Variants in EPB41L4A observed in about 807,000 individuals in gnomAD.
The protein encoded by EPB41L4A is erythrocyte membrane protein band 4.1 like 4A, also known as band 4.1-like protein 4A.
In EPB41L4A, 100 loss-of-function variants were observed where a neutral mutation model predicts 108.6. That is an observed-to-expected ratio of 0.92 (90% confidence interval 0.78 to 1.09). EPB41L4A has a LOEUF of 1.09. Ranked by LOEUF, EPB41L4A falls within the 50% of genes least tolerant of loss-of-function variation. The probability of loss-of-function intolerance (pLI) is 0.00; values close to 1 mark genes in which losing one functional copy is unlikely to be tolerated. For missense variants in EPB41L4A, 1,030 were observed against 842.7 expected (o/e 1.22, Z -2.75); for synonymous variants, 319 against 289.0 (o/e 1.10, Z -1.05).
At chr5:112,326,383 C>G (rs1370314845) in intron 1 of EPB41L4A, among the ~76,000 whole-genome samples, 1 of 152,092 alleles carries the variant, frequency 6.6e-6, no homozygotes, top group Non-Finnish European at 1.5e-5. Context: ...GCCTTTTTGT[C>G]AAACTGGGCC....
intron 2 of EPB41L4A, among the ~76,000 whole-genome samples, chr5:112,299,556 T>G (rs1196755253): frequency 6.6e-6 from 1 of 152,212 alleles, no homozygotes; most frequent in Non-Finnish European, 1.5e-5. Flanking sequence ...GGCTCCCGCC[T>G]GTAATCCCAG....
chr5:112,366,878 C>T (rs1052936189), intron 1 of EPB41L4A, among the ~76,000 whole-genome samples: 20 of 152,150 alleles, frequency 1.3e-4, no homozygotes, highest in Middle Eastern at 3.2e-3. Flanking sequence ...AAGGCAGCAA[C>T]AGTGCTTTAC....
At chr5:112,184,166 C>T in intron 17 of EPB41L4A, 31 bp from the exon 18 acceptor site, 1 of 1,611,744 alleles carries the variant, frequency 6.2e-7, no homozygotes. Flanking sequence ...CTGAAGTTAA[C>T]ATCTACATGG....
At chr5:112,401,465 A>T (rs770491461) in intron 1 of EPB41L4A, among the ~76,000 whole-genome samples, 208 of 152,380 alleles carry the variant, frequency 1.4e-3, no homozygotes, top group Middle Eastern at 3.4e-3. Context: ...AAGAATTTTT[A>T]AAAATGTTAC....
At chr5:112,322,377 A>G (rs1335070471) in intron 1 of EPB41L4A, among the ~76,000 whole-genome samples, 1 of 152,202 alleles carries the variant, frequency 6.6e-6, no homozygotes, top group Non-Finnish European at 1.5e-5. Context: ...TGGGAGAACT[A>G]AAGTTTGAGT....
At position 112,217,528 on chromosome 5, in the gene EPB41L4A, T is replaced by C. The variant is rs892320461; in HGVS notation, c.1088-7546A>G. ...AGCCTGGGCAACATAGTGAGACCTA[T>C]CTCTACAAAAAAAGTTTTTTTAATT... On this transcript the variant is annotated intron_variant, in intron 12 of 22. Coordinates refer to ENST00000261486, the MANE Select transcript of EPB41L4A (RefSeq NM_022140.5). 2.8e-4 allele frequency among the ~76,000 whole-genome samples: 43 copies of C among 152,152 alleles called. 1 individual carries two copies. Among genetic ancestry groups the C allele is most frequent in the African/African-American group, 1.0e-3 (43 of 41,506 alleles).
At chr5:112,250,452 T>C (rs1750579060) in intron 9 of EPB41L4A, among the ~76,000 whole-genome samples, 1 of 152,218 alleles carries the variant, frequency 6.6e-6, no homozygotes, top group East Asian at 1.9e-4. Flanking sequence ...AAAAAGTCAG[T>C]ATTTCTCTCA....
intron 1 of EPB41L4A, among the ~76,000 whole-genome samples, chr5:112,411,592 C>T (rs1762416910): frequency 6.6e-6 from 1 of 151,710 alleles, no homozygotes; most frequent in Non-Finnish European, 1.5e-5. Context: ...GATATCATGC[C>T]CCTCAGCTTA....
chr5:112,273,453 T>C (rs897591899), intron 4 of EPB41L4A, among the ~76,000 whole-genome samples: 3 of 152,214 alleles, frequency 2.0e-5, no homozygotes, highest in African/African-American at 7.2e-5. Flanking sequence ...AACAATGATC[T>C]TTTTTATCCC....
chr5:112,296,343 T>G (rs1753982917), intron 2 of EPB41L4A, among the ~76,000 whole-genome samples: 1 of 152,154 alleles, frequency 6.6e-6, no homozygotes, highest in African/African-American at 2.4e-5. Context: ...CAAAGCATTT[T>G]TAATACATTT....
At chr5:112,309,397 T>A (rs1457568277) in intron 1 of EPB41L4A, among the ~76,000 whole-genome samples, 2 of 152,212 alleles carry the variant, frequency 1.3e-5, no homozygotes, top group Non-Finnish European at 2.9e-5. Context: ...CCCAATTGAA[T>A]AAACAATTCT....
chr5:112,361,541 A>G (rs1256939458), intron 1 of EPB41L4A, among the ~76,000 whole-genome samples: 1 of 133,788 alleles, frequency 7.5e-6, no homozygotes, highest in Admixed American at 7.8e-5. Context: ...AAAAAAAAGA[A>G]TAAAAAGAAA....
At chr5:112,240,622 CAA>C in intron 10 of EPB41L4A, 95 bp downstream of exon 10, 1 of 658,194 alleles carries the variant, frequency 1.5e-6, no homozygotes, top group Non-Finnish European at 2.5e-6. Flanking sequence ...AAAAGGGAAA[CAA>C]TTCCAAATTT....
chr5:112,384,938 G>C (rs984298147), intron 1 of EPB41L4A, among the ~76,000 whole-genome samples: 5 of 152,216 alleles, frequency 3.3e-5, no homozygotes, highest in African/African-American at 9.6e-5. Flanking sequence ...CCATCCATTT[G>C]CTAGGGTTGC....
chr5:112,218,922 A>G (rs1747838342), intron 12 of EPB41L4A, among the ~76,000 whole-genome samples: 1 of 152,222 alleles, frequency 6.6e-6, no homozygotes, highest in African/African-American at 2.4e-5. Flanking sequence ...TGAAGTATAA[A>G]TATGACATTA....
In EPB41L4A at chr5:112,155,095, C is replaced by A. The variant is rs956951732; in HGVS notation, n.994+3306G>T. Reference sequence around the variant, plus strand: ...CCACAAAGAAAATACTAGACTTAATCTTAAAAGTGGAATTTTTTAATTAAG... The same window carrying A: ...CCACAAAGAAAATACTAGACTTAATATTAAAAGTGGAATTTTTTAATTAAG... On this transcript the variant is annotated intron_variant and non_coding_transcript_variant, in intron 12 of 13. Transcript: ENST00000507810. Among the ~76,000 whole-genome samples, 7 of 152,196 alleles carry A rather than the reference C, an allele frequency of 4.6e-5. No individual in the cohort carries two copies. In the East Asian group the frequency reaches 1.4e-3, roughly 29 times the overall value.
intron 9 of EPB41L4A, among the ~76,000 whole-genome samples, chr5:112,255,718 A>G (rs1424519375): frequency 6.6e-6 from 1 of 152,148 alleles, no homozygotes; most frequent in African/African-American, 2.4e-5. Flanking sequence ...CGTGGCTTCA[A>G]AAAGTAGCAG....
intron 1 of EPB41L4A, among the ~76,000 whole-genome samples, chr5:112,417,404 G>GT (rs1417964936): frequency 6.6e-5 from 10 of 152,206 alleles, no homozygotes; most frequent in African/African-American, 2.4e-4. Flanking sequence ...TTTCTTTACT[G>GT]TCTTAGTATC....
chr5:112,265,159 A>G (rs1158511155), intron 5 of EPB41L4A, 143 bp from the exon 6 acceptor site: 3 of 731,462 alleles, frequency 4.1e-6, no homozygotes, highest in Non-Finnish European at 6.1e-6. Flanking sequence ...TAATTTTACT[A>G]AAACAAATCT....
Sources: allele counts gnomAD v4.1 joint callset (sites outside exome capture counted in the v4.1 genomes callset), GRCh38; gene constraint gnomAD v4.1.1; transcripts MANE v1.5; gene names NCBI Gene and HGNC (gene_info 2026-07-23, HGNC 2026-07-21).